ENOX2: variants seen among roughly 807,000 people sequenced by gnomAD.
The protein encoded by ENOX2 is ecto-NOX disulfide-thiol exchanger 2, also known as APK1 antigen.
Under a neutral mutation model 45.0 loss-of-function variants are expected in ENOX2, and 36 were observed. That is an observed-to-expected ratio of 0.80 (90% CI 0.61 to 1.06). The LOEUF (loss-of-function observed/expected upper bound fraction) is 1.06. Ranked by LOEUF, ENOX2 falls within the 50% of genes least tolerant of loss-of-function variation. ENOX2 has a pLI of 0.00. For missense variants in ENOX2, 423 were observed against 462.5 expected, an observed-to-expected ratio of 0.91 and a Z score of 0.78; for synonymous variants, 174 against 152.3, an observed-to-expected ratio of 1.14 and a Z score of -1.05.
chrX:130,701,744 G>A (rs957367105), intron 4 of ENOX2, among the ~76,000 whole-genome samples: 2 of 111,879 alleles, frequency 1.8e-5, no homozygotes, highest in Non-Finnish European at 3.8e-5. Context: ...GGCTCCTACA[G>A]TAACATTCAC....
At chrX:130,885,111 C>G (rs758392555) in intron 2 of ENOX2, among the ~76,000 whole-genome samples, 1 of 112,172 alleles carries the variant, frequency 8.9e-6, no homozygotes, top group South Asian at 3.7e-4. Flanking sequence ...CTTGAAATCA[C>G]ACACATATTC....
intron 2 of ENOX2, among the ~76,000 whole-genome samples, chrX:130,798,141 C>A (rs962188133): frequency 8.9e-6 from 1 of 111,877 alleles, no homozygotes; most frequent in Admixed American, 9.5e-5. Flanking sequence ...GGTGGCCAGG[C>A]ATGGTGGCTC....
intron 3 of ENOX2, among the ~76,000 whole-genome samples, chrX:130,703,488 T>C (rs2037957475): frequency 9.1e-6 from 1 of 109,807 alleles, no homozygotes; most frequent in Non-Finnish European, 1.9e-5. Flanking sequence ...TATAAGTGTT[T>C]CCTTCCTTCT....
At chrX:130,640,927 T>TA (rs1205445622) in intron 10 of ENOX2, among the ~76,000 whole-genome samples, 2 of 109,302 alleles carry the variant, frequency 1.8e-5, no homozygotes, top group African/African-American at 3.3e-5. Flanking sequence ...AAGTTGAAAA[T>TA]AAAAAAAATA....
chrX:130,712,444 G>T (rs1255363562), intron 3 of ENOX2, among the ~76,000 whole-genome samples: 1 of 111,676 alleles, frequency 9.0e-6, no homozygotes, highest in Non-Finnish European at 1.9e-5. Flanking sequence ...AAGATCTCTG[G>T]TATTGGGCAA....
intron 2 of ENOX2, among the ~76,000 whole-genome samples, chrX:130,867,647 C>T (rs1449391535): frequency 1.8e-5 from 2 of 111,906 alleles, no homozygotes; most frequent in African/African-American, 3.2e-5. Flanking sequence ...AACTCTCAAG[C>T]TCATGGTGGC....
chrX:130,828,736 G>A lies in ENOX2; in HGVS notation c.-182-45046C>T, dbSNP rs150840721. Among the ~76,000 whole-genome samples, 573 of 111,836 alleles carry A rather than the reference G, an allele frequency of 5.1e-3. 2 individuals are homozygous for A. The highest frequency in any genetic ancestry group is 8.5e-3 in the South Asian group (23 of 2,709). ...GGAGTTCTGAGGGTCAGTTATAAAT[G>A]AAATTATATTACATTTTTCAGCCTC... On this transcript the variant is annotated intron_variant, in intron 2 of 14. Transcript: ENST00000394363.
chrX:130,807,317 C>A (rs1276904485), intron 2 of ENOX2, among the ~76,000 whole-genome samples: 1 of 111,940 alleles, frequency 8.9e-6, no homozygotes, highest in Non-Finnish European at 1.9e-5. Flanking sequence ...GGGGAGGGAC[C>A]TTTCAGTAAG....
chrX:130,693,594 C>A (rs2037674340), intron 4 of ENOX2, among the ~76,000 whole-genome samples: 1 of 111,969 alleles, frequency 8.9e-6, no homozygotes, highest in East Asian at 2.8e-4. Flanking sequence ...AATATGATTG[C>A]AGATATAAAG....
At chrX:130,769,135 T>C (rs1205650394) in intron 3 of ENOX2, among the ~76,000 whole-genome samples, 1 of 111,599 alleles carries the variant, frequency 9.0e-6, no homozygotes, top group Non-Finnish European at 1.9e-5. Context: ...AAGTATTTTC[T>C]TCTCAAGCCA....
intron 2 of ENOX2, among the ~76,000 whole-genome samples, chrX:130,865,957 T>C (rs1418152996): frequency 9.0e-6 from 1 of 111,479 alleles, no homozygotes; most frequent in Non-Finnish European, 1.9e-5. Context: ...CCTTTCTATA[T>C]GTGGCCTCTC....
chrX:130,678,986 T>C (rs2037227361), intron 6 of ENOX2, among the ~76,000 whole-genome samples: 2 of 110,861 alleles, frequency 1.8e-5, no homozygotes, highest in Admixed American at 9.6e-5. Context: ...GTGGGGGAGA[T>C]GGATGTGGAA....
At chrX:130,792,796 A>G in intron 2 of ENOX2, among the ~76,000 whole-genome samples, 1 of 112,064 alleles carries the variant, frequency 8.9e-6, no homozygotes, top group South Asian at 3.8e-4. Context: ...TCCATCTAAA[A>G]AAACAAAAAA....
chrX:130,736,679 T>C (rs934884339), intron 3 of ENOX2, among the ~76,000 whole-genome samples: 2 of 111,719 alleles, frequency 1.8e-5, no homozygotes, highest in Non-Finnish European at 3.8e-5. Flanking sequence ...ATAGGTGGTA[T>C]TTACTGACCC....
intron 6 of ENOX2, among the ~76,000 whole-genome samples, chrX:130,677,421 G>GA (rs2037181880): frequency 8.9e-6 from 1 of 112,095 alleles, no homozygotes; most frequent in African/African-American, 3.2e-5. Context: ...AGAGTTTACA[G>GA]AAAAAAGATG....
chrX:130,848,420 T>C lies in ENOX2; in HGVS notation c.-183+53264A>G, dbSNP rs73635968. Among the ~76,000 whole-genome samples, 443 of 112,439 alleles carry C rather than the reference T, an allele frequency of 3.9e-3. 3 individuals carry two copies. Among genetic ancestry groups the C allele is most frequent in the African/African-American group, 0.014 (428 of 30,993 alleles). Reference sequence around the variant, plus strand: ...TTTTAAAAAGTGGAGGTCCTATTTTTTTACCAAATGGAGAATGGATTTCTA... The same window carrying C: ...TTTTAAAAAGTGGAGGTCCTATTTTCTTACCAAATGGAGAATGGATTTCTA... On this transcript the variant is annotated intron_variant, in intron 2 of 14. Coordinates refer to ENST00000394363, the MANE Select transcript of ENOX2 (RefSeq NM_006375.4).
At chrX:130,760,945 T>C (rs1171436228) in intron 3 of ENOX2, among the ~76,000 whole-genome samples, 2 of 108,907 alleles carry the variant, frequency 1.8e-5, no homozygotes, top group African/African-American at 3.3e-5. Flanking sequence ...TTTTAATCTG[T>C]AGCCTGTGAA....
At chrX:130,712,893 C>G (rs2038230154) in intron 3 of ENOX2, among the ~76,000 whole-genome samples, 1 of 112,044 alleles carries the variant, frequency 8.9e-6, no homozygotes, top group Non-Finnish European at 1.9e-5. Flanking sequence ...GAGGCAAGAA[C>G]TGAGGTTGCT....
intron 4 of ENOX2, among the ~76,000 whole-genome samples, chrX:130,700,854 G>A (rs950584705): frequency 9.9e-5 from 11 of 111,577 alleles, no homozygotes; most frequent in African/African-American, 3.6e-4. Flanking sequence ...CACAGTAAGT[G>A]GCAGAGCAAG....
Sources: allele counts gnomAD v4.1 joint callset (sites outside exome capture counted in the v4.1 genomes callset), GRCh38; gene constraint gnomAD v4.1.1; transcripts MANE v1.5; gene names NCBI Gene and HGNC (gene_info 2026-07-23, HGNC 2026-07-21).